The following TOX3 variants were observed in gnomAD, a reference collection of about 807,000 sequenced individuals.
The protein encoded by TOX3 is CAG trinucleotide repeat-containing gene F9 protein.
In TOX3, 22 loss-of-function variants were observed where a neutral mutation model predicts 64.3. That is an observed-to-expected ratio of 0.34 (90% CI 0.24 to 0.49). The LOEUF is 0.49. Ranked by LOEUF, TOX3 falls within the 20% of genes least tolerant of loss-of-function variation. The pLI, the probability that TOX3 is intolerant of heterozygous loss-of-function variation, is 0.99. For missense variants in TOX3, 661 were observed against 714.4 expected, an observed-to-expected ratio of 0.93 and a Z score of 0.85; for synonymous variants, 291 against 273.6, an observed-to-expected ratio of 1.06 and a Z score of -0.63.
chr16:52,458,205 T>G (rs1301277431), intron 3 of TOX3, among the ~76,000 whole-genome samples: 1 of 152,166 alleles, frequency 6.6e-6, no homozygotes, highest in Non-Finnish European at 1.5e-5. Context: ...AATTTATATA[T>G]TGAACAAATG....
chr16:52,543,502 A>G (rs1157043787), intron 1 of TOX3, among the ~76,000 whole-genome samples: 1 of 152,262 alleles, frequency 6.6e-6, no homozygotes, highest in Non-Finnish European at 1.5e-5. Flanking sequence ...GAAAAATTAC[A>G]AATATATAGT....
intron 1 of TOX3, among the ~76,000 whole-genome samples, chr16:52,490,809 T>C (rs192639559): frequency 5.9e-5 from 9 of 151,798 alleles, no homozygotes; most frequent in African/African-American, 1.9e-4. Context: ...TTTTATTTTT[T>C]GTAGAGACAA....
intron 1 of TOX3, among the ~76,000 whole-genome samples, chr16:52,541,292 G>A (rs1370717653): frequency 6.6e-6 from 1 of 152,150 alleles, no homozygotes; most frequent in Non-Finnish European, 1.5e-5. Context: ...AATTTGTCTG[G>A]TGGCAGTAAC....
intron 1 of TOX3, among the ~76,000 whole-genome samples, chr16:52,503,165 T>C (rs1301703294): frequency 6.6e-6 from 1 of 152,202 alleles, no homozygotes; most frequent in African/African-American, 2.4e-5. Flanking sequence ...CTTTCCATCA[T>C]GAAAATTATG....
chr16:52,533,227 C>T (rs1276625709), intron 1 of TOX3, among the ~76,000 whole-genome samples: 1 of 152,162 alleles, frequency 6.6e-6, no homozygotes, highest in Non-Finnish European at 1.5e-5. Flanking sequence ...TGGGACCATC[C>T]ATGCCAGCAT....
intron 1 of TOX3, among the ~76,000 whole-genome samples, chr16:52,469,714 A>G (rs2151760069): frequency 6.6e-6 from 1 of 152,330 alleles, no homozygotes; most frequent in East Asian, 1.9e-4. Flanking sequence ...ATAAATATTG[A>G]GAATAAATAG....
At chr16:52,524,335 G>C (rs1283927295) in intron 1 of TOX3, among the ~76,000 whole-genome samples, 2 of 152,136 alleles carry the variant, frequency 1.3e-5, no homozygotes, top group Non-Finnish European at 2.9e-5. Context: ...TAAGACTTTA[G>C]ACTGCCTGAA....
At chr16:52,527,025 T>G (rs1423826158) in intron 1 of TOX3, among the ~76,000 whole-genome samples, 1 of 152,152 alleles carries the variant, frequency 6.6e-6, no homozygotes, top group Non-Finnish European at 1.5e-5. Flanking sequence ...CACTACTGTC[T>G]GGAAATCACA....
chr16:52,466,238 T>A (rs755468596), intron 2 of TOX3, among the ~76,000 whole-genome samples: 4 of 152,162 alleles, frequency 2.6e-5, no homozygotes, highest in Non-Finnish European at 5.9e-5. Flanking sequence ...AAATATTATT[T>A]CAATAAATAT....
intron 1 of TOX3, among the ~76,000 whole-genome samples, chr16:52,478,857 A>C (rs2151447367): frequency 6.6e-6 from 1 of 152,336 alleles, no homozygotes; most frequent in East Asian, 1.9e-4. Context: ...AGGATGTCAT[A>C]CAGAGAGGCA....
At chr16:52,448,985 C>G (rs1336124819) in intron 4 of TOX3, among the ~76,000 whole-genome samples, 1 of 152,206 alleles carries the variant, frequency 6.6e-6, no homozygotes, top group Non-Finnish European at 1.5e-5. Flanking sequence ...CCCAATTTGT[C>G]TCTTCTTCAA....
At chr16:52,490,107 T>A (rs1961637831) in intron 1 of TOX3, among the ~76,000 whole-genome samples, 1 of 151,970 alleles carries the variant, frequency 6.6e-6, no homozygotes, top group African/African-American at 2.4e-5. Context: ...TATGCCAAGG[T>A]AGGAGGTGAC....
rs371907581 is a variant in TOX3, at chr16:52,464,184, G to A, written c.158C>T (p.Thr53Ile). 4.7e-5 allele frequency: 71 copies of A among 1,521,190 alleles called. No homozygotes were observed. The Middle Eastern group carries it at 8.7e-4, about 19-fold the overall frequency. 94.2% of individuals were successfully genotyped at this position (1,521,190 alleles called of 1,614,324 possible). The change falls in exon 3 of 7, where the codon ACA (threonine) becomes ATA (isoleucine). Residue 53 changes from threonine (T) to isoleucine (I), a missense_variant. Transcript: ENST00000219746. Reference protein sequence around the residue: ...NNAFFAASEQTFHTPSLGDEE... With the variant: ...NNAFFAASEQIFHTPSLGDEE... Reference sequence around the variant, plus strand: ...GTCCCCAAGGCTTGGTGTGTGGAATGTCTGCTAAAAGGAAACAAAATACAG... The same window carrying A: ...GTCCCCAAGGCTTGGTGTGTGGAATATCTGCTAAAAGGAAACAAAATACAG...
At chr16:52,533,168 G>A (rs1962885021) in intron 1 of TOX3, among the ~76,000 whole-genome samples, 1 of 152,220 alleles carries the variant, frequency 6.6e-6, no homozygotes, top group African/African-American at 2.4e-5. Flanking sequence ...GGACAAAAGT[G>A]TAAATGTGAA....
intron 1 of TOX3, among the ~76,000 whole-genome samples, chr16:52,470,300 G>A (rs1307903217): frequency 2.0e-5 from 3 of 152,168 alleles, no homozygotes; most frequent in East Asian, 1.9e-4. Context: ...ACCTGGGCTC[G>A]AGATGAGTAT....
chr16:52,511,548 A>G (rs1962311018), intron 1 of TOX3, among the ~76,000 whole-genome samples: 1 of 152,200 alleles, frequency 6.6e-6, no homozygotes, highest in Non-Finnish European at 1.5e-5. Flanking sequence ...TCATAATACC[A>G]AAGAAGAGTG....
intron 5 of TOX3, chr16:52,445,189 T>C (rs1053409520): frequency 3.9e-5 from 6 of 152,238 alleles, no homozygotes; most frequent in African/African-American, 9.6e-5. Flanking sequence ...AAAACAAGCT[T>C]CTAGGAATGA....
At chr16:52,447,117 C>A (rs998417650) in intron 4 of TOX3, among the ~76,000 whole-genome samples, 1 of 152,116 alleles carries the variant, frequency 6.6e-6, no homozygotes, top group Non-Finnish European at 1.5e-5. Flanking sequence ...CCATACTCAC[C>A]AGCTACCACC....
intron 5 of TOX3, 142 bp from the exon 6 acceptor site, chr16:52,444,498 T>TTCAC: frequency 8.6e-5 from 28 of 324,832 alleles, no homozygotes; most frequent in East Asian, 2.5e-4. Flanking sequence ...TGTTAGCGCA[T>TTCAC]GCACACACAC....
Sources: allele counts gnomAD v4.1 joint callset (sites outside exome capture counted in the v4.1 genomes callset), GRCh38; gene constraint gnomAD v4.1.1; transcripts MANE v1.5; gene names NCBI Gene and HGNC (gene_info 2026-07-23, HGNC 2026-07-21).